The following ABLIM3 variants were observed in gnomAD, a reference collection of about 807,000 sequenced individuals.
The protein encoded by ABLIM3 is actin-binding LIM protein 3.
A neutral mutation model predicts 109.5 loss-of-function variants in ABLIM3; 61 were observed. That is an observed-to-expected ratio of 0.56 (90% CI 0.45 to 0.69). ABLIM3 has a LOEUF of 0.69. ABLIM3 is among the 30% of genes least tolerant of loss of function. The pLI is 0.00. For missense variants in ABLIM3, 796 were observed against 889.5 expected (o/e 0.89, Z 1.34); for synonymous variants, 300 against 324.8 (o/e 0.92, Z 0.82).
intron 10 of ABLIM3, 151 bp from the exon 11 acceptor site, chr5:149,237,297 A>G (rs1752297264): frequency 7.4e-6 from 6 of 811,042 alleles, no homozygotes; most frequent in Non-Finnish European, 9.7e-6. Context: ...TTTTATTCTA[A>G]CATTCTACTA....
intron 3 of ABLIM3, among the ~76,000 whole-genome samples, chr5:149,187,847 G>A (rs1453190740): frequency 1.3e-5 from 2 of 152,072 alleles, no homozygotes; most frequent in Non-Finnish European, 2.9e-5. Context: ...TTAGCCAGTC[G>A]GAATTTGTTT....
At position 149,259,947 on chromosome 5, in the gene ABLIM3, G is replaced by C. The variant is rs925642026; in HGVS notation, c.*1543G>C. The stretch of plus-strand genomic sequence containing the variant: ...AATGGGGGAGGGGGAGGGGAGCACG[G>C]GGTGAGTCAACCTGGGACTCGGTCT... On this transcript the variant is annotated 3_prime_UTR_variant, in exon 24 of 24. Coordinates refer to ENST00000309868, the MANE Select transcript of ABLIM3 (RefSeq NM_014945.5). 1.6e-5 allele frequency: 4 copies of C among 247,528 alleles called. No homozygotes were observed. Among genetic ancestry groups the C allele is most frequent in the African/African-American group, 9.0e-5 (4 of 44,676 alleles). 15.3% of individuals were successfully genotyped at this position (247,528 alleles called of 1,614,324 possible).
chr5:149,181,732 A>G (rs1394564203), intron 2 of ABLIM3, among the ~76,000 whole-genome samples: 2 of 152,240 alleles, frequency 1.3e-5, no homozygotes, highest in Admixed American at 1.3e-4. Context: ...CTCTTTGAGA[A>G]TATGAACAAA....
chr5:149,247,549 T>G, intron 17 of ABLIM3: 1 of 683,872 alleles, frequency 1.5e-6, no homozygotes, highest in Non-Finnish European at 2.7e-6. Context: ...TGGCCAGGCT[T>G]GCTTTTTTGT....
At chr5:149,170,775 T>C (rs1195700786) in intron 2 of ABLIM3, among the ~76,000 whole-genome samples, 1 of 152,228 alleles carries the variant, frequency 6.6e-6, no homozygotes, top group African/African-American at 2.4e-5. Context: ...GGAATGTTCG[T>C]CCGTTGATTT....
intron 2 of ABLIM3, among the ~76,000 whole-genome samples, chr5:149,166,253 T>C (rs1754814297): frequency 1.3e-5 from 2 of 152,214 alleles, no homozygotes; most frequent in Non-Finnish European, 2.9e-5. Flanking sequence ...CTGATGTCAC[T>C]TACTTGCATG....
chr5:149,196,131 C>T (rs1757954757), intron 3 of ABLIM3, among the ~76,000 whole-genome samples: 2 of 152,144 alleles, frequency 1.3e-5, no homozygotes, highest in African/African-American at 2.4e-5. Flanking sequence ...CTGTGTCTCC[C>T]ACTGTCCTGA....
intron 2 of ABLIM3, among the ~76,000 whole-genome samples, chr5:149,165,940 G>A (rs1754779796): frequency 6.6e-6 from 1 of 152,142 alleles, no homozygotes; most frequent in South Asian, 2.1e-4. Flanking sequence ...ACCCCTCAAA[G>A]GGTTGCTTTT....
rs527268750 is a variant in ABLIM3, at chr5:149,160,965, A to G, written c.13+18857A>G. Among the ~76,000 whole-genome samples the G allele has an allele frequency of 6.6e-5, 10 of 152,180 alleles. No individual in the cohort carries two copies. In the South Asian group the frequency reaches 1.0e-3, roughly 16 times the overall value. On this transcript the variant is annotated intron_variant, in intron 2 of 23. Transcript: ENST00000309868. ...TATCATCTTATTCAGCTCCTTTCCCATCTCTCGGCCAGCCATGGGGCTTCT... is the reference window on the plus strand; with the variant it reads ...TATCATCTTATTCAGCTCCTTTCCCGTCTCTCGGCCAGCCATGGGGCTTCT...
chr5:149,144,949 A>G (rs746246861), intron 2 of ABLIM3, among the ~76,000 whole-genome samples: 127 of 152,216 alleles, frequency 8.3e-4, no homozygotes, highest in Non-Finnish European at 6.8e-4. Flanking sequence ...CCCTCAGTGT[A>G]GGCAGGTTTC....
chr5:149,245,969 C>G (rs978914717), intron 16 of ABLIM3, among the ~76,000 whole-genome samples: 2 of 152,024 alleles, frequency 1.3e-5, no homozygotes, highest in Admixed American at 6.5e-5. Flanking sequence ...TTGAGACCAG[C>G]CTGGACAACA....
intron 21 of ABLIM3, 75 bp from the exon 22 acceptor site, chr5:149,252,126 A>C: frequency 3.3e-6 from 5 of 1,536,456 alleles, no homozygotes; most frequent in African/African-American, 1.4e-5. Context: ...AGAGTAGGAC[A>C]GAGGCCTGTG....
At chr5:149,225,992 A>ATGTGTGTGTGTGTGTGTGTG (rs1761214484) in intron 8 of ABLIM3, among the ~76,000 whole-genome samples, 1 of 24,078 alleles carries the variant, frequency 4.2e-5, no homozygotes, top group Non-Finnish European at 8.1e-5. Flanking sequence ...GTATATATAT[A>ATGTGTGTGTGTGTGTGTGTG]TATATATATA....
chr5:149,258,554 G>C lies in ABLIM3; in HGVS notation c.*150G>C, dbSNP rs553943882. ...TACTGTCAGGCAAGCCCACGTCATC[G>C]AGATATTTTTATGCTCCTTACTTTC... On this transcript the variant is annotated 3_prime_UTR_variant, in exon 24 of 24. Coordinates refer to ENST00000309868, the MANE Select transcript of ABLIM3 (RefSeq NM_014945.5). The C allele has an allele frequency of 2.2e-6, 3 of 1,394,346 alleles. No homozygotes were observed. Among genetic ancestry groups the C allele is most frequent in the Admixed American group, 6.2e-5 (2 of 32,370 alleles). The allele number at this position is 1,394,346 out of a possible 1,614,324, so 86.4% of individuals were successfully genotyped here.
intron 8 of ABLIM3, among the ~76,000 whole-genome samples, chr5:149,224,517 A>C (rs1760983623): frequency 6.6e-6 from 1 of 152,188 alleles, no homozygotes; most frequent in African/African-American, 2.4e-5. Flanking sequence ...GTGCGCTGGC[A>C]ACCAAGCCAG....
chr5:149,159,402 G>C (rs2127444545), intron 2 of ABLIM3, among the ~76,000 whole-genome samples: 1 of 152,300 alleles, frequency 6.6e-6, no homozygotes, highest in East Asian at 1.9e-4. Context: ...AAAGGTTGCA[G>C]CAAATTATCT....
intron 2 of ABLIM3, among the ~76,000 whole-genome samples, chr5:149,160,842 C>T (rs1754291385): frequency 6.6e-6 from 1 of 152,228 alleles, no homozygotes; most frequent in African/African-American, 2.4e-5. Flanking sequence ...CACAGGCTAA[C>T]TGTCTAACAT....
At chr5:149,224,567 A>T (rs948154786) in intron 8 of ABLIM3, among the ~76,000 whole-genome samples, 1 of 152,170 alleles carries the variant, frequency 6.6e-6, no homozygotes, top group Non-Finnish European at 1.5e-5. Context: ...CCAGCCTGCC[A>T]TGTGCTGCAG....
chr5:149,158,969 A>T (rs895915845), intron 2 of ABLIM3, among the ~76,000 whole-genome samples: 1 of 152,232 alleles, frequency 6.6e-6, no homozygotes, highest in Non-Finnish European at 1.5e-5. Flanking sequence ...AAACTGATAC[A>T]GTTTTATAAA....
Sources: gnomAD v4.1 joint callset for allele counts (sites outside exome capture counted in the v4.1 genomes callset) on GRCh38, gnomAD v4.1.1 for gene constraint, MANE v1.5 for transcripts, NCBI Gene and HGNC (gene_info 2026-07-23, HGNC 2026-07-21) for gene names.